NSUN3: variants seen among roughly 807,000 people sequenced by gnomAD.
The protein encoded by NSUN3 is NOP2/Sun RNA methyltransferase 3.
NSUN3 carries 24 observed loss-of-function variants against 36.8 expected under a neutral mutation model. The observed-to-expected ratio is 0.65, with a 90% CI of 0.47 to 0.92. The LOEUF is 0.92. Among genes scored for constraint, NSUN3 ranks in the 40% least tolerant of loss-of-function variants. NSUN3 has a pLI of 0.00. For missense variants in NSUN3, 381 were observed against 392.8 expected, an observed-to-expected ratio of 0.97 and a Z score of 0.25; for synonymous variants, 146 against 145.2, an observed-to-expected ratio of 1.01 and a Z score of -0.04.
intron 3 of NSUN3, 70 bp from the exon 4 acceptor site, chr3:94,094,070 A>G: frequency 8.8e-7 from 1 of 1,130,640 alleles, no homozygotes; most frequent in Non-Finnish European, 1.2e-6. Context: ...TCTGAAATTT[A>G]TTTGCTGAAA....
In NSUN3 at chr3:94,089,498, G is replaced by A. The variant is rs527592885; in HGVS notation, c.467-4642G>A. Among the ~76,000 whole-genome samples, 233 of 152,220 alleles carry A rather than the reference G, an allele frequency of 1.5e-3. 3 individuals carry two copies. Among genetic ancestry groups the A allele is most frequent in the Admixed American group, 3.8e-3 (58 of 15,284 alleles). On this transcript the variant is annotated intron_variant, in intron 3 of 5. Coordinates refer to ENST00000314622, the MANE Select transcript of NSUN3 (RefSeq NM_022072.5). ...AAGTGAGCTCAAGCATGTGCATAAA[G>A]AGACAAAATGGCAGAGTGTGACCTT... is the stretch of plus-strand genomic sequence containing the variant.
At chr3:94,099,747 AAAT>A (rs1293101857) in intron 5 of NSUN3, among the ~76,000 whole-genome samples, 5 of 152,078 alleles carry the variant, frequency 3.3e-5, no homozygotes, top group Non-Finnish European at 5.9e-5. Flanking sequence ...AGGGGAAAAA[AAAT>A]GATGATACCA....
chr3:94,081,365 C>G (rs1483824555), intron 2 of NSUN3, among the ~76,000 whole-genome samples: 3 of 152,136 alleles, frequency 2.0e-5, no homozygotes, highest in African/African-American at 7.2e-5. Context: ...GCCATCTTGC[C>G]AAAAATCCTC....
intron 2 of NSUN3, among the ~76,000 whole-genome samples, chr3:94,073,846 T>G (rs2077235726): frequency 6.6e-6 from 1 of 152,234 alleles, no homozygotes; most frequent in South Asian, 2.1e-4. Flanking sequence ...GCCGTTGCTT[T>G]TGGTGTTTTA....
chr3:94,067,103 G>A (rs557277942), intron 2 of NSUN3, among the ~76,000 whole-genome samples: 1 of 152,280 alleles, frequency 6.6e-6, no homozygotes, highest in South Asian at 2.1e-4. Flanking sequence ...AGAAGGGCTT[G>A]TGACTAAAAG....
At chr3:94,089,678 GA>G (rs2077306654) in intron 3 of NSUN3, among the ~76,000 whole-genome samples, 1 of 152,212 alleles carries the variant, frequency 6.6e-6, no homozygotes, top group Admixed American at 6.5e-5. Flanking sequence ...AGGGGTGCAA[GA>G]CACCGGAAGT....
Position 94,131,451 on chromosome 3 carries a change from T to C in NSUN3, c.*4961T>C, listed in dbSNP as rs1303413844. ...TATTTTCCATTGTTCAGTTTCCTCC[T>C]TTTGTGTCATACCCTATTCCCAGGG... On this transcript the variant is annotated 3_prime_UTR_variant, in exon 6 of 6. Transcript: ENST00000314622. 6.6e-6 allele frequency among the ~76,000 whole-genome samples: 1 copy of C among 152,162 alleles called. No homozygotes were observed. Among genetic ancestry groups the C allele is most frequent in the African/African-American group, 2.4e-5 (1 of 41,426 alleles).
At chr3:94,082,684 G>A (rs1218260424) in intron 2 of NSUN3, among the ~76,000 whole-genome samples, 1 of 152,066 alleles carries the variant, frequency 6.6e-6, no homozygotes, top group African/African-American at 2.4e-5. Context: ...TAGAAAGGTC[G>A]GCTAGTAAAT....
At position 94,129,588 on chromosome 3, in the gene NSUN3, A is replaced by G. The variant is rs1272549201; in HGVS notation, c.*3098A>G. Among the ~76,000 whole-genome samples the G allele has an allele frequency of 1.3e-5, 2 of 152,080 alleles. No individual in the cohort carries two copies. Among genetic ancestry groups the G allele is most frequent in the African/African-American group, 2.4e-5 (1 of 41,394 alleles). On this transcript the variant is annotated 3_prime_UTR_variant, in exon 6 of 6. Transcript: ENST00000314622. Reference sequence around the variant, plus strand: ...CGGGATCGTCTGTACCCCAAACCTCAGCATCATCCAGTATACCCATGTAAC... The same window carrying G: ...CGGGATCGTCTGTACCCCAAACCTCGGCATCATCCAGTATACCCATGTAAC...
Position 94,075,267 on chromosome 3 carries a change from A to C in NSUN3, c.123-8840A>C, listed in dbSNP as rs7627752. 4.6e-3 allele frequency among the ~76,000 whole-genome samples: 693 copies of C among 152,054 alleles called. 4 individuals carry two copies. The highest frequency in any genetic ancestry group is 0.014 in the African/African-American group (582 of 41,328). On this transcript the variant is annotated intron_variant, in intron 2 of 5. Coordinates refer to ENST00000314622, the MANE Select transcript of NSUN3 (RefSeq NM_022072.5). ...AAAAGCAAACAAACAAACAAACAAA[A>C]AAAAGCCACACCATTTCACAGACAG...
At chr3:94,113,479 A>C (rs1028140501) in intron 5 of NSUN3, among the ~76,000 whole-genome samples, 1 of 152,206 alleles carries the variant, frequency 6.6e-6, no homozygotes, top group African/African-American at 2.4e-5. Flanking sequence ...AATGAAGGAT[A>C]AAGTTCTAGG....
chr3:94,077,009 G>T (rs992415051), intron 2 of NSUN3: 1 of 879,368 alleles, frequency 1.1e-6, no homozygotes, highest in African/African-American at 1.6e-5. Context: ...TTCCCTTCTG[G>T]TCTGGTTACA....
intron 5 of NSUN3, among the ~76,000 whole-genome samples, chr3:94,117,966 G>A (rs547922554): frequency 6.6e-6 from 1 of 152,264 alleles, no homozygotes; most frequent in East Asian, 1.9e-4. Context: ...CTCCAATGAA[G>A]AGAAGTTGTT....
rs371093372 is a variant in NSUN3, at chr3:94,121,641, A to G, written c.744-4570A>G. ...AGGGCAGTGAATAGTGAGGAGAGGA[A>G]ACATAGAAAAAGTTTTTTTAGAGAC... On this transcript the variant is annotated intron_variant, in intron 5 of 5. Transcript: ENST00000314622. Among the ~76,000 whole-genome samples, 3 of 152,304 alleles carry G rather than the reference A, an allele frequency of 2.0e-5. No homozygotes were observed. The East Asian group carries it at 5.8e-4, about 29-fold the overall frequency.
At chr3:94,066,283 G>A (rs1370083554) in intron 2 of NSUN3, among the ~76,000 whole-genome samples, 1 of 152,020 alleles carries the variant, frequency 6.6e-6, no homozygotes, top group Non-Finnish European at 1.5e-5. Context: ...TTTAAGTTTT[G>A]CATAAACACA....
intron 2 of NSUN3, among the ~76,000 whole-genome samples, chr3:94,067,983 C>T (rs562629112): frequency 7.4e-4 from 113 of 152,144 alleles, no homozygotes; most frequent in African/African-American, 2.7e-3. Flanking sequence ...TGGGCAGGCT[C>T]CTTCATGCCT....
chr3:94,097,357 C>A (rs2077346446), intron 5 of NSUN3, among the ~76,000 whole-genome samples: 1 of 151,786 alleles, frequency 6.6e-6, no homozygotes, highest in South Asian at 2.1e-4. Flanking sequence ...TCTTCTGTTA[C>A]ATGGTCTTTT....
chr3:94,099,450 CAA>C (rs2077356192), intron 5 of NSUN3, among the ~76,000 whole-genome samples: 1 of 152,058 alleles, frequency 6.6e-6, no homozygotes, highest in African/African-American at 2.4e-5. Flanking sequence ...TGGCAGGGCA[CAA>C]AACTGACATC....
At chr3:94,119,617 C>T (rs563358855) in intron 5 of NSUN3, among the ~76,000 whole-genome samples, 27 of 152,270 alleles carry the variant, frequency 1.8e-4, no homozygotes, top group Non-Finnish European at 2.4e-4. Flanking sequence ...GGATTGGGGT[C>T]CTCTGATCTA....
Sources: allele counts gnomAD v4.1 joint callset (sites outside exome capture counted in the v4.1 genomes callset), GRCh38; gene constraint gnomAD v4.1.1; transcripts MANE v1.5; gene names NCBI Gene and HGNC (gene_info 2026-07-23, HGNC 2026-07-21).